The following SNX29 variants were observed in gnomAD, a reference collection of about 807,000 sequenced individuals.
SNX29 encodes the protein sorting nexin 29, also known as sorting nexin-29.
Under a neutral mutation model 102.1 loss-of-function variants are expected in SNX29, and 78 were observed. That is an observed-to-expected ratio of 0.76 (90% CI 0.64 to 0.92). The LOEUF (loss-of-function observed/expected upper bound fraction) is 0.92. Among genes scored for constraint, SNX29 ranks in the 40% least tolerant of loss-of-function variants. The probability of loss-of-function intolerance (pLI) is 0.00; values close to 1 mark genes in which losing one functional copy is unlikely to be tolerated. For synonymous variants in SNX29, 580 were observed against 414.5 expected (o/e 1.40, Z -4.85); for missense variants, 1,280 against 1,061.7 (o/e 1.21, Z -2.86).
At chr16:12,183,976 C>T (rs1458893863) in intron 13 of SNX29, among the ~76,000 whole-genome samples, 11 of 152,228 alleles carry the variant, frequency 7.2e-5, no homozygotes, top group Admixed American at 7.2e-4. Context: ...CTGTGTTTAG[C>T]ACGTTATCAA....
At chr16:12,418,229 C>G (rs1363613651) in intron 18 of SNX29, among the ~76,000 whole-genome samples, 1 of 152,148 alleles carries the variant, frequency 6.6e-6, no homozygotes, top group Admixed American at 6.5e-5. Flanking sequence ...AGCCTTAACT[C>G]TAAATACCAC....
chr16:12,467,894 G>A (rs1370583722), intron 18 of SNX29, among the ~76,000 whole-genome samples: 2 of 152,126 alleles, frequency 1.3e-5, no homozygotes, highest in Non-Finnish European at 2.9e-5. Flanking sequence ...GAGGGGATAG[G>A]CATCGAGGCT....
chr16:12,568,558 C>T lies in SNX29; in HGVS notation c.2371C>T (p.Arg791Cys), dbSNP rs201318041. 104 of 1,609,378 alleles carry T rather than the reference C, an allele frequency of 6.5e-5. No individual in the cohort carries two copies. Among genetic ancestry groups the T allele is most frequent in the East Asian group, 4.5e-4 (20 of 44,856 alleles). ...GAACAGCCGGCCCAAAGCAGCTTCC[C>T]GCTTCCCCAAACTGTCCCGGGGTCA... ...PVNSRPKAAS[R>C]FPKLSRGQPR... Residue 791 changes from arginine (R) to cysteine (C), a missense_variant, in exon 21 of 21, where the codon CGC becomes TGC. By Grantham distance (180) the Arg-to-Cys change is radical. Transcript: ENST00000566228.
At chr16:12,092,349 G>C (rs1170327586) in intron 11 of SNX29, among the ~76,000 whole-genome samples, 1 of 152,188 alleles carries the variant, frequency 6.6e-6, no homozygotes, top group Non-Finnish European at 1.5e-5. Context: ...CAAGCATGGA[G>C]AGTTAAAAGT....
intron 9 of SNX29, among the ~76,000 whole-genome samples, chr16:12,065,930 A>G (rs529975333): frequency 6.6e-6 from 1 of 152,170 alleles, no homozygotes; most frequent in Non-Finnish European, 1.5e-5. Flanking sequence ...CCTCATCCGT[A>G]AAATTAGATA....
At chr16:12,108,792 C>T (rs1265729392) in intron 11 of SNX29, among the ~76,000 whole-genome samples, 5 of 152,050 alleles carry the variant, frequency 3.3e-5, no homozygotes, top group South Asian at 2.1e-4. Context: ...CTGTCTTGTT[C>T]GTTTTCTGTT....
At chr16:12,360,113 C>T (rs183615181) in intron 16 of SNX29, among the ~76,000 whole-genome samples, 20 of 152,304 alleles carry the variant, frequency 1.3e-4, no homozygotes, top group African/African-American at 3.6e-4. Flanking sequence ...CGTGAGCCAC[C>T]GCACCTGGCC....
chr16:12,309,309 A>G (rs1239193833), intron 15 of SNX29, among the ~76,000 whole-genome samples: 6 of 152,142 alleles, frequency 3.9e-5, no homozygotes, highest in Non-Finnish European at 7.4e-5. Flanking sequence ...GATAGGGGCT[A>G]CCTATCTAGC....
intron 1 of SNX29, among the ~76,000 whole-genome samples, chr16:11,995,711 TTTA>T (rs894887802): frequency 1.3e-5 from 2 of 150,588 alleles, no homozygotes; most frequent in African/African-American, 4.9e-5. Context: ...GTGCTAAACC[TTTA>T]TTATTCAGGT....
At chr16:12,364,212 T>TGTTATGTTAC (rs774751996) in intron 16 of SNX29, among the ~76,000 whole-genome samples, 2 of 149,958 alleles carry the variant, frequency 1.3e-5, no homozygotes, top group Non-Finnish European at 3.0e-5. Context: ...TGTTATGTTA[T>TGTTATGTTAC]GTTATTTTTG....
At chr16:12,447,150 A>C (rs1597407872) in intron 18 of SNX29, among the ~76,000 whole-genome samples, 1 of 125,152 alleles carries the variant, frequency 8.0e-6, no homozygotes, top group East Asian at 2.7e-4. Context: ...CTGGCGACAG[A>C]GGGAGACTCT....
At chr16:12,270,860 G>C (rs1015761621) in intron 14 of SNX29, among the ~76,000 whole-genome samples, 1 of 151,980 alleles carries the variant, frequency 6.6e-6, no homozygotes, top group African/African-American at 2.4e-5. Flanking sequence ...TGGTCAATGT[G>C]GTGAAATGCC....
chr16:12,364,032 G>T (rs1438757831), intron 16 of SNX29, among the ~76,000 whole-genome samples: 1 of 151,930 alleles, frequency 6.6e-6, no homozygotes, highest in African/African-American at 2.4e-5. Flanking sequence ...TTGCTGTGTT[G>T]CCCAGGCTGG....
At chr16:12,543,279 C>G (rs986289723) in intron 20 of SNX29, among the ~76,000 whole-genome samples, 1 of 152,184 alleles carries the variant, frequency 6.6e-6, no homozygotes, top group Non-Finnish European at 1.5e-5. Flanking sequence ...GCGCATGCAT[C>G]TGGGTCCGTG....
At chr16:12,045,255 T>G (rs1023447747) in intron 5 of SNX29, among the ~76,000 whole-genome samples, 5 of 152,224 alleles carry the variant, frequency 3.3e-5, no homozygotes, top group African/African-American at 1.2e-4. Flanking sequence ...CAGTGGCTAA[T>G]TTTTCCAGTC....
intron 20 of SNX29, among the ~76,000 whole-genome samples, chr16:12,561,948 C>G (rs919948810): frequency 9.2e-5 from 14 of 152,134 alleles, no homozygotes; most frequent in Non-Finnish European, 4.4e-5. Context: ...CCAGGTGCAT[C>G]CCTGGGGGCA....
At position 12,561,542 on chromosome 16, in the gene SNX29, C is replaced by T. The variant is rs899075476; in HGVS notation, c.2319-6964C>T. 5.3e-5 allele frequency among the ~76,000 whole-genome samples: 8 copies of T among 152,080 alleles called. No individual in the cohort carries two copies. The East Asian group carries it at 7.7e-4, about 15-fold the overall frequency. ...TGAAAAGTTAGTCTCTCCTCGCAGC[C>T]ATTTTCACTGATGAGCAGTTGAGGC... On this transcript the variant is annotated intron_variant, in intron 20 of 20. Coordinates refer to ENST00000566228, the MANE Select transcript of SNX29 (RefSeq NM_032167.5).
chr16:12,555,656 G>A (rs1330457013), intron 20 of SNX29, among the ~76,000 whole-genome samples: 1 of 151,990 alleles, frequency 6.6e-6, no homozygotes, highest in African/African-American at 2.4e-5. Context: ...GCCAGACCCT[G>A]TCACTCCTGC....
chr16:12,208,754 T>C (rs2077109477), intron 14 of SNX29, among the ~76,000 whole-genome samples: 2 of 151,506 alleles, frequency 1.3e-5, no homozygotes, highest in Non-Finnish European at 2.9e-5. Context: ...GGTGGGAGGA[T>C]CACTTGAGCC....
Sources: gnomAD v4.1 joint callset for allele counts (sites outside exome capture counted in the v4.1 genomes callset) on GRCh38, gnomAD v4.1.1 for gene constraint, MANE v1.5 for transcripts, NCBI Gene and HGNC (gene_info 2026-07-23, HGNC 2026-07-21) for gene names.